The following PELI1 variants were observed in gnomAD, a reference collection of about 807,000 sequenced individuals.
PELI1 encodes the protein E3 ubiquitin-protein ligase pellino homolog 1.
Under a neutral mutation model 41.3 loss-of-function variants are expected in PELI1, and 15 were observed. That is an observed-to-expected ratio of 0.36 (90% confidence interval 0.24 to 0.56). The LOEUF is 0.56. PELI1 is among the 20% of genes least tolerant of loss of function. The probability of loss-of-function intolerance (pLI) is 0.82; values close to 1 mark genes in which losing one functional copy is unlikely to be tolerated. For missense variants in PELI1, 403 were observed against 525.5 expected (o/e 0.77, Z 2.28); for synonymous variants, 178 against 180.1 (o/e 0.99, Z 0.09).
chr2:64,095,644 G>C (rs1409428833), intron 6 of PELI1, among the ~76,000 whole-genome samples: 1 of 152,086 alleles, frequency 6.6e-6, no homozygotes, highest in Non-Finnish European at 1.5e-5. Flanking sequence ...TGATATGACA[G>C]AAGAATGAAC....
intron 1 of PELI1, among the ~76,000 whole-genome samples, chr2:64,111,417 T>C (rs758580755): frequency 6.6e-6 from 1 of 152,114 alleles, no homozygotes; most frequent in Non-Finnish European, 1.5e-5. Context: ...ACAACTACTA[T>C]CATCAATAAA....
chr2:64,128,501 C>T (rs1558485137), intron 1 of PELI1, among the ~76,000 whole-genome samples: 1 of 152,062 alleles, frequency 6.6e-6, no homozygotes, highest in African/African-American at 2.4e-5. Flanking sequence ...TTTCTTTCTC[C>T]TCACATCCCA....
In PELI1 at chr2:64,104,892, G is replaced by GT. The variant is rs372395355; in HGVS notation, c.72-63dup. On this transcript the variant is annotated intron_variant, in intron 2 of 6. Coordinates refer to ENST00000358912, the MANE Select transcript of PELI1 (RefSeq NM_020651.4). ...AGAACTGCACAATTATAAAACAAAT[G>GT]TTTGACTTTGCCTTGCAGAATCAAT... The GT allele has an allele frequency of 2.1e-4, 292 of 1,419,612 alleles. 1 individual carries two copies. The African/African-American group carries it at 3.9e-3, about 19-fold the overall frequency. The allele number at this position is 1,419,612 out of a possible 1,614,324, so 87.9% of individuals were successfully genotyped here. A position where few individuals can be genotyped will look rare whatever the true frequency, so the allele number is the denominator to read the frequency against.
At chr2:64,131,919 C>A (rs1012629957) in intron 1 of PELI1, among the ~76,000 whole-genome samples, 2 of 152,096 alleles carry the variant, frequency 1.3e-5, no homozygotes, top group South Asian at 2.1e-4. Context: ...CTGCACCCAG[C>A]CAGAAACAGT....
intron 3 of PELI1, among the ~76,000 whole-genome samples, chr2:64,104,351 C>A (rs1680546445): frequency 6.6e-6 from 1 of 152,144 alleles, no homozygotes; most frequent in African/African-American, 2.4e-5. Context: ...CAGGGAGACC[C>A]CTCTAGTAAC....
chr2:64,143,513 T>C lies in PELI1; in HGVS notation c.-70+568A>G, dbSNP rs552088696. 4 of 152,284 alleles carry C rather than the reference T, an allele frequency of 2.6e-5. No individual in the cohort carries two copies. The East Asian group carries it at 7.7e-4, about 29-fold the overall frequency. 9.4% of individuals were successfully genotyped at this position (152,284 alleles called of 1,614,324 possible). On this transcript the variant is annotated intron_variant, in intron 1 of 6. Coordinates refer to ENST00000358912, the MANE Select transcript of PELI1 (RefSeq NM_020651.4). Reference sequence around the variant, plus strand: ...GTTTACCCACTTAGGGAAACGGGCGTATTAACTTGTTTCCTAGGGGACCCG... The same window carrying C: ...GTTTACCCACTTAGGGAAACGGGCGCATTAACTTGTTTCCTAGGGGACCCG...
chr2:64,142,577 G>T (rs1471398304), intron 1 of PELI1, among the ~76,000 whole-genome samples: 1 of 152,062 alleles, frequency 6.6e-6, no homozygotes, highest in Non-Finnish European at 1.5e-5. Context: ...CCCCAGAAGA[G>T]GTTGTTGGTA....
chr2:64,127,419 T>C (rs1159163715), intron 1 of PELI1, among the ~76,000 whole-genome samples: 2 of 152,352 alleles, frequency 1.3e-5, no homozygotes, highest in Non-Finnish European at 2.9e-5. Flanking sequence ...GTATGAAATT[T>C]GTTGGGATAC....
chr2:64,138,737 AAAC>A (rs1280067620), intron 1 of PELI1, among the ~76,000 whole-genome samples: 2 of 152,094 alleles, frequency 1.3e-5, no homozygotes, highest in Non-Finnish European at 1.5e-5. Flanking sequence ...CAAAAACAAA[AAAC>A]AAGAAACAAA....
intron 1 of PELI1, among the ~76,000 whole-genome samples, chr2:64,114,590 T>C (rs1411659631): frequency 6.6e-6 from 1 of 152,204 alleles, no homozygotes; most frequent in African/African-American, 2.4e-5. Flanking sequence ...GCTGATAGTA[T>C]ATCACCTACA....
At chr2:64,118,592 C>T (rs932582314) in intron 1 of PELI1, among the ~76,000 whole-genome samples, 1 of 152,070 alleles carries the variant, frequency 6.6e-6, no homozygotes, top group Non-Finnish European at 1.5e-5. Flanking sequence ...AGGAAGACTC[C>T]CCCTAATCAA....
At chr2:64,138,802 C>T (rs1681803107) in intron 1 of PELI1, among the ~76,000 whole-genome samples, 1 of 152,166 alleles carries the variant, frequency 6.6e-6, no homozygotes, top group African/African-American at 2.4e-5. Flanking sequence ...CCCATTTATT[C>T]TCCCTTCCCC....
chr2:64,099,372 A>G (rs1031073062), intron 4 of PELI1, among the ~76,000 whole-genome samples: 1 of 152,298 alleles, frequency 6.6e-6, no homozygotes, highest in Non-Finnish European at 1.5e-5. Flanking sequence ...TTGTCAGTGA[A>G]ACAAAATGTG....
chr2:64,117,294 G>A (rs1268734984), intron 1 of PELI1, among the ~76,000 whole-genome samples: 1 of 150,908 alleles, frequency 6.6e-6, no homozygotes. Flanking sequence ...CTTAAGAAAT[G>A]TTTATAATCT....
intron 1 of PELI1, among the ~76,000 whole-genome samples, chr2:64,111,520 G>C (rs1230015466): frequency 2.0e-5 from 3 of 152,048 alleles, no homozygotes; most frequent in African/African-American, 2.4e-5. Flanking sequence ...CGTCACCCTA[G>C]ATATATTTGC....
chr2:64,096,743 T>G, intron 4 of PELI1, 133 bp from the exon 5 acceptor site: 1 of 606,534 alleles, frequency 1.6e-6, no homozygotes, highest in Admixed American at 2.9e-5. Context: ...TACTTAACGC[T>G]GGGGGCATCT....
chr2:64,112,939 T>C lies in PELI1; in HGVS notation c.-69-4560A>G, dbSNP rs1013296754. ...AATGCTTTCCTACTCACTGTCTTTA[T>C]ATATTCTCTCTATATTTTAAAATCT... On this transcript the variant is annotated intron_variant, in intron 1 of 6. Transcript: ENST00000358912. 6.6e-5 allele frequency among the ~76,000 whole-genome samples: 10 copies of C among 152,070 alleles called. No homozygotes were observed. In the East Asian group the frequency reaches 1.2e-3, roughly 18 times the overall value.
At chr2:64,123,370 T>G (rs1339734591) in intron 1 of PELI1, among the ~76,000 whole-genome samples, 1 of 152,210 alleles carries the variant, frequency 6.6e-6, no homozygotes, top group Non-Finnish European at 1.5e-5. Context: ...GTATCAAAAG[T>G]ACTGCCATAG....
At chr2:64,108,147 T>C (rs1680682844) in intron 2 of PELI1, 93 bp downstream of exon 2, 1 of 697,796 alleles carries the variant, frequency 1.4e-6, no homozygotes, top group South Asian at 1.8e-5. Flanking sequence ...GCAGGTAAGA[T>C]ATAAATTCCA....
Sources: allele counts gnomAD v4.1 joint callset (sites outside exome capture counted in the v4.1 genomes callset), GRCh38; gene constraint gnomAD v4.1.1; transcripts MANE v1.5; gene names NCBI Gene and HGNC (gene_info 2026-07-23, HGNC 2026-07-21).